The following ATP2A1 variants were observed in gnomAD, a reference collection of about 807,000 sequenced individuals.
ATP2A1 encodes sarcoplasmic/endoplasmic reticulum calcium ATPase 1.
A neutral mutation model predicts 109.5 loss-of-function variants in ATP2A1; 83 were observed. That is an observed-to-expected ratio of 0.76 (90% CI 0.63 to 0.91). ATP2A1 has a LOEUF of 0.91. Among genes scored for constraint, ATP2A1 ranks in the 40% least tolerant of loss-of-function variants. The pLI, the probability that ATP2A1 is intolerant of heterozygous loss-of-function variation, is 0.00. For missense variants in ATP2A1, 1,101 were observed against 1,341.0 expected, an observed-to-expected ratio of 0.82 and a Z score of 2.80; for synonymous variants, 505 against 537.6, an observed-to-expected ratio of 0.94 and a Z score of 0.84.
rs752691887 is a variant in ATP2A1, at chr16:28,898,387, G to A, written c.1700G>A (p.Arg567Gln). The change falls in exon 14 of 23, where the codon CGG becomes CAG. Residue 567 changes from arginine (R) to glutamine (Q), a missense_variant. Physicochemically the swap from Arg to Gln is conservative, Grantham distance 43. Transcript: ENST00000395503. This position sits in a 1 kb window ranked among gnomAD's most constrained non-coding sequence, Gnocchi z 4.0. ...CTGCGCTGCTTGGCCCTGGCCACCC[G>A]GGACACCCCCCCGAAGCGAGAGGAA... Reference protein sequence around the residue: ...DTLRCLALATRDTPPKREEMV... With the variant: ...DTLRCLALATQDTPPKREEMV... 9 of 1,614,176 alleles carry A rather than the reference G, an allele frequency of 5.6e-6. No homozygotes were observed. The East Asian group carries it at 1.1e-4, about 20-fold the overall frequency.
intron 9 of ATP2A1, chr16:28,892,670 C>A (rs967356592): frequency 6.5e-6 from 1 of 153,150 alleles, no homozygotes; most frequent in Non-Finnish European, 1.5e-5. Flanking sequence ...GTAGGCCACT[C>A]CTCCTGGGCA....
intron 12 of ATP2A1, among the ~76,000 whole-genome samples, chr16:28,895,984 C>A (rs1963907712): frequency 6.6e-6 from 1 of 152,120 alleles, no homozygotes; most frequent in South Asian, 2.1e-4. Flanking sequence ...GGGTCTTGGC[C>A]TGTCGCCCAG....
chr16:28,897,911 C>G lies in ATP2A1; in HGVS notation c.1420-89C>G, dbSNP rs1467681742. On this transcript the variant is annotated intron_variant, in intron 12 of 22. Transcript: ENST00000395503. ...TATAGGGACCAGACTTAGTGTTAGT[C>G]TCAGCCTTAGCTTGGGGTCTGCTCT... The G allele has an allele frequency of 2.6e-6, 4 of 1,534,160 alleles. No individual in the cohort carries two copies. In the African/African-American group the frequency reaches 5.5e-5, roughly 21 times the overall value.
At chr16:28,882,428 C>T in intron 4 of ATP2A1, 23 bp from the exon 5 acceptor site, 6 of 1,614,064 alleles carry the variant, frequency 3.7e-6, no homozygotes, top group Non-Finnish European at 5.1e-6. Flanking sequence ...TATAACCCTG[C>T]CTCCTCCACC....
chr16:28,879,041 G>T, intron 1 of ATP2A1, 58 bp from the exon 2 acceptor site: 1 of 1,609,692 alleles, frequency 6.2e-7, no homozygotes, highest in African/African-American at 1.3e-5. Context: ...TCTTGGGTGT[G>T]GGGGGCATGA....
intron 1 of ATP2A1, 35 bp from the exon 2 acceptor site, chr16:28,879,064 A>T: frequency 6.2e-7 from 1 of 1,613,988 alleles, no homozygotes; most frequent in Non-Finnish European, 8.5e-7. Flanking sequence ...CTGAACCCCA[A>T]ATGAATCTGT....
At position 28,879,492 on chromosome 16, in the gene ATP2A1, C is replaced by A. The variant is rs766669977; in HGVS notation, c.137-9C>A. On this transcript the variant is annotated splice_polypyrimidine_tract_variant and intron_variant, in intron 2 of 22. Coordinates refer to ENST00000395503, the MANE Select transcript of ATP2A1 (RefSeq NM_004320.6). ...TAACCCGGGGCCCTCCCCTTGCCTC[C>A]TCCCCCAGGGAAGACCCTGTGGGAG... is the stretch of plus-strand genomic sequence containing the variant. The A allele has an allele frequency of 6.2e-7, 1 of 1,613,856 alleles. No individual in the cohort carries two copies. The highest frequency in any genetic ancestry group is 8.5e-7 in the Non-Finnish European group (1 of 1,179,766).
intron 9 of ATP2A1, among the ~76,000 whole-genome samples, chr16:28,889,926 G>A (rs556253830): frequency 6.6e-6 from 1 of 152,196 alleles, no homozygotes; most frequent in South Asian, 2.1e-4. Context: ...GGCAGATCAC[G>A]AGGTCAGGAG....
At chr16:28,888,417 T>G (rs1459215619) in intron 8 of ATP2A1, among the ~76,000 whole-genome samples, 1 of 152,090 alleles carries the variant, frequency 6.6e-6, no homozygotes, top group South Asian at 2.1e-4. Flanking sequence ...ATTGTTTGTT[T>G]GTTTAATAGA....
Position 28,898,418 on chromosome 16 carries a change from C to T in ATP2A1, c.1731C>T (p.Val577=). ...CCCCCCCGAAGCGAGAGGAAATGGT[C>T]CTGGATGACTCTGCCAGGTTCCTGG... ...RDTPPKREEM[V]LDDSARFLEY... Residue 577 remains valine (V), a synonymous_variant, in exon 14 of 23, where the codon GTC becomes GTT. Transcript: ENST00000395503. This position sits in a 1 kb window ranked among gnomAD's most constrained non-coding sequence, Gnocchi z 4.0. 1 of 1,614,126 alleles carries T rather than the reference C, an allele frequency of 6.2e-7. No individual in the cohort carries two copies. Among genetic ancestry groups the T allele is most frequent in the Non-Finnish European group, 8.5e-7 (1 of 1,180,040 alleles).
rs1234429501 is a variant in ATP2A1 at position 28,898,609 on chromosome 16, G to C, written c.1764+158G>C. On this transcript the variant is annotated intron_variant, in intron 14 of 22. Coordinates refer to ENST00000395503, the MANE Select transcript of ATP2A1 (RefSeq NM_004320.6). The surrounding 1 kb of genome is among the most constrained non-coding windows in gnomAD (Gnocchi z 4.0). ...GGAATCACAGGACAGTAGAGTTTCA[G>C]AGAACCTTGGGAGGCCGGGTGCAGT... Among the ~76,000 whole-genome samples the C allele has an allele frequency of 6.6e-6, 1 of 152,136 alleles. No homozygotes were observed. Among genetic ancestry groups the C allele is most frequent in the Non-Finnish European group, 1.5e-5 (1 of 68,026 alleles).
In ATP2A1 at chr16:28,903,316, G is replaced by A. The variant is rs767799449; in HGVS notation, c.2863-7G>A. 5 of 1,612,420 alleles carry A rather than the reference G, an allele frequency of 3.1e-6. No individual in the cohort carries two copies. Among genetic ancestry groups the A allele is most frequent in the Non-Finnish European group, 4.2e-6 (5 of 1,178,750 alleles). On this transcript the variant is annotated splice_polypyrimidine_tract_variant and splice_region_variant and intron_variant, in intron 20 of 22. Transcript: ENST00000395503. The surrounding 1 kb of genome is among the most constrained non-coding windows in gnomAD (Gnocchi z 5.6). ...CCTCCTGAGAGGGCGCTTGTCCCCT[G>A]CCCCAGATGATCTTCAAGCTCCGGG...
In ATP2A1 at chr16:28,894,868, T is replaced by C; in HGVS notation, c.1334T>C (p.Leu445Pro). The change falls in exon 12 of 23, where the codon CTC (leucine) becomes CCC (proline). Residue 445 changes from leucine to proline, a missense_variant. Transcript: ENST00000395503. Reference sequence around the variant, plus strand: ...GTCGGCGAGGCCACCGAGACAGCACTCACCACCCTGGTGGAGAAGATGAAT... The same window carrying C: ...GTCGGCGAGGCCACCGAGACAGCACCCACCACCCTGGTGGAGAAGATGAAT... Reference protein sequence around the residue: ...EKVGEATETALTTLVEKMNVF... With the variant: ...EKVGEATETAPTTLVEKMNVF... 6.2e-7 allele frequency: 1 copy of C among 1,612,138 alleles called. No homozygotes were observed. The highest frequency in any genetic ancestry group is 8.5e-7 in the Non-Finnish European group (1 of 1,179,980).
Position 28,903,983 on chromosome 16 carries a change from C to T in ATP2A1, c.*38-197C>T, listed in dbSNP as rs533823264. ...CGTCTGCTGCGCTGCGTTGCGCTGGCTGTGTGCTGGGCTGTCTTTGCTGTG... is the reference window on the plus strand; with the variant it reads ...CGTCTGCTGCGCTGCGTTGCGCTGGTTGTGTGCTGGGCTGTCTTTGCTGTG... On this transcript the variant is annotated intron_variant, in intron 22 of 22. Coordinates refer to ENST00000395503, the MANE Select transcript of ATP2A1 (RefSeq NM_004320.6). This position sits in a 1 kb window ranked among gnomAD's most constrained non-coding sequence, Gnocchi z 5.6. Among the ~76,000 whole-genome samples, 4 of 148,726 alleles carry T rather than the reference C, an allele frequency of 2.7e-5. No homozygotes were observed. In the East Asian group the frequency reaches 8.1e-4, roughly 30 times the overall value.
At position 28,880,475 on chromosome 16, in the gene ATP2A1, C is replaced by CCGGCTCCCT. The variant is rs1349090580; in HGVS notation, c.220-437_220-429dup. On this transcript the variant is annotated intron_variant, in intron 3 of 22. Transcript: ENST00000395503. This position sits in a 1 kb window ranked among gnomAD's most constrained non-coding sequence, Gnocchi z 4.2. ...GAGGCCCCGTAACCCTATCCCCGCT[C>CCGGCTCCCT]CGGCTCCCTCGTGAAACCGGAGCTT... 6.6e-6 allele frequency among the ~76,000 whole-genome samples: 1 copy of CCGGCTCCCT among 152,268 alleles called. No homozygotes were observed. The highest frequency in any genetic ancestry group is 1.5e-5 in the Non-Finnish European group (1 of 68,050).
intron 4 of ATP2A1, 21 bp from the exon 5 acceptor site, chr16:28,882,430 T>G (rs374558211): frequency 1.2e-6 from 2 of 1,613,880 alleles, no homozygotes; most frequent in Non-Finnish European, 1.7e-6. Context: ...TAACCCTGCC[T>G]CCTCCACCCT....
In ATP2A1 at chr16:28,880,197, C is replaced by T; in HGVS notation, c.219+614C>T. 2.2e-6 allele frequency: 2 copies of T among 916,236 alleles called. No homozygotes were observed. The highest frequency in any genetic ancestry group is 5.5e-4 in the Middle Eastern group (1 of 1,802). 56.8% of individuals were successfully genotyped at this position (916,236 alleles called of 1,614,324 possible). A position where few individuals can be genotyped will look rare whatever the true frequency, so the allele number is the denominator to read the frequency against. Reference sequence around the variant, plus strand: ...ACCCCCGCAGGGCATCTCCAGGGCTCTGCCTCCTCTCCCGCCCTGGGGGCT... The same window carrying T: ...ACCCCCGCAGGGCATCTCCAGGGCTTTGCCTCCTCTCCCGCCCTGGGGGCT... On this transcript the variant is annotated intron_variant, in intron 3 of 22. Coordinates refer to ENST00000395503, the MANE Select transcript of ATP2A1 (RefSeq NM_004320.6). This position sits in a 1 kb window ranked among gnomAD's most constrained non-coding sequence, Gnocchi z 4.2.
intron 4 of ATP2A1, 53 bp from the exon 5 acceptor site, chr16:28,882,398 C>G: frequency 6.3e-7 from 1 of 1,596,418 alleles, no homozygotes; most frequent in Non-Finnish European, 8.6e-7. Flanking sequence ...AGCCACAACT[C>G]CATAACTCTG....
intron 8 of ATP2A1, among the ~76,000 whole-genome samples, chr16:28,888,199 A>G (rs1228646879): frequency 1.3e-5 from 2 of 151,616 alleles, no homozygotes; most frequent in Non-Finnish European, 2.9e-5. Context: ...TGCCTGGCTA[A>G]TTTTTGTGTT....
Sources: gnomAD v4.1 joint callset for allele counts (sites outside exome capture counted in the v4.1 genomes callset) on GRCh38, gnomAD v4.1.1 for gene constraint, Gnocchi (gnomAD v3.1) non-coding constraint, MANE v1.5 for transcripts, NCBI Gene and HGNC (gene_info 2026-07-23, HGNC 2026-07-21) for gene names.